HDAC9: variants seen among roughly 807,000 people sequenced by gnomAD.
HDAC9 encodes the protein MEF-2 interacting transcription repressor (MITR) protein.
In HDAC9, 41 loss-of-function variants were observed where a neutral mutation model predicts 139.4. The ratio of observed to expected loss-of-function variants is 0.29; its 90% CI spans 0.23 to 0.38. The LOEUF (loss-of-function observed/expected upper bound fraction) is 0.38, where lower values mean the gene tolerates loss of function less well. HDAC9 is among the 10% of genes least tolerant of loss of function. The pLI is 1.00. For synonymous variants in HDAC9, 517 were observed against 476.2 expected, an observed-to-expected ratio of 1.09 and a Z score of -1.12; for missense variants, 1,147 against 1,297.0, an observed-to-expected ratio of 0.88 and a Z score of 1.78.
At chr7:18,370,618 C>G (rs1402477316) in intron 1 of HDAC9, among the ~76,000 whole-genome samples, 1 of 152,142 alleles carries the variant, frequency 6.6e-6, no homozygotes, top group Non-Finnish European at 1.5e-5. Context: ...GATCATTGTG[C>G]TCTGTAAGGA....
At chr7:18,921,370 T>G (rs1803704646) in intron 22 of HDAC9, among the ~76,000 whole-genome samples, 1 of 151,916 alleles carries the variant, frequency 6.6e-6, no homozygotes, top group African/African-American at 2.4e-5. Flanking sequence ...TACACTGAAC[T>G]CAACAAATTT....
intron 23 of HDAC9, among the ~76,000 whole-genome samples, chr7:18,938,029 T>C (rs1781762445): frequency 6.6e-6 from 1 of 152,194 alleles, no homozygotes; most frequent in African/African-American, 2.4e-5. Context: ...CTGTGTTTAC[T>C]GTAAAGCAAA....
intron 2 of HDAC9, among the ~76,000 whole-genome samples, chr7:18,182,388 A>G (rs1187424929): frequency 6.6e-6 from 1 of 152,200 alleles, no homozygotes; most frequent in Non-Finnish European, 1.5e-5. Context: ...ATGGAGAGGA[A>G]TGTTTTAAAG....
At chr7:18,155,093 C>CTTTCTTTCTTTT (rs761803907) in intron 1 of HDAC9, among the ~76,000 whole-genome samples, 2 of 141,714 alleles carry the variant, frequency 1.4e-5, no homozygotes, top group African/African-American at 2.6e-5. Context: ...TTCTTTCTTT[C>CTTTCTTTCTTTT]TTTTTTTTTT....
intron 2 of HDAC9, among the ~76,000 whole-genome samples, chr7:18,508,131 A>C (rs1291493857): frequency 2.6e-5 from 4 of 152,202 alleles, no homozygotes; most frequent in Non-Finnish European, 5.9e-5. Flanking sequence ...GTTCAATGGA[A>C]TGATGGATGG....
chr7:18,269,387 A>C (rs963013790), intron 2 of HDAC9, among the ~76,000 whole-genome samples: 1 of 152,150 alleles, frequency 6.6e-6, no homozygotes, highest in African/African-American at 2.4e-5. Context: ...GGTAGTTAAA[A>C]ATACCTTGTT....
At chr7:18,709,412 T>G (rs1397534459) in intron 12 of HDAC9, among the ~76,000 whole-genome samples, 3 of 152,246 alleles carry the variant, frequency 2.0e-5, no homozygotes, top group Non-Finnish European at 1.5e-5. Flanking sequence ...TGGAGTTTGT[T>G]TCAATTCCAG....
chr7:18,363,029 A>G (rs975105905), intron 1 of HDAC9, among the ~76,000 whole-genome samples: 1 of 152,088 alleles, frequency 6.6e-6, no homozygotes, highest in Non-Finnish European at 1.5e-5. Context: ...AAAATAGTAA[A>G]CTCACTAATA....
At position 18,841,280 on chromosome 7, in the gene HDAC9, C is replaced by T. The variant is rs992124466; in HGVS notation, c.2684+5283C>T. Among the ~76,000 whole-genome samples the T allele has an allele frequency of 1.3e-4, 20 of 151,914 alleles. No individual in the cohort carries two copies. The South Asian group carries it at 2.9e-3, about 22-fold the overall frequency. On this transcript the variant is annotated intron_variant, in intron 21 of 25. Transcript: ENST00000686413. ...TTTGCATTCACTCTTTTGGTAATGA[C>T]AATTAAGTAAATACTGTTTGGATTT...
At chr7:18,459,701 G>A (rs1329914124) in intron 1 of HDAC9, among the ~76,000 whole-genome samples, 1 of 149,224 alleles carries the variant, frequency 6.7e-6, no homozygotes, top group Non-Finnish European at 1.5e-5. Flanking sequence ...CTGGAGCCTA[G>A]TAGAGTTCTC....
chr7:18,429,373 G>A, intron 1 of HDAC9: 1 of 152,034 alleles, frequency 6.6e-6, no homozygotes, highest in East Asian at 1.9e-4. Flanking sequence ...TTTCTACATT[G>A]TGCCAAGTTC....
chr7:18,323,068 G>A (rs1035825714), intron 1 of HDAC9, among the ~76,000 whole-genome samples: 8 of 152,204 alleles, frequency 5.3e-5, no homozygotes, highest in Non-Finnish European at 1.2e-4. Flanking sequence ...GGAATGAATA[G>A]CATCAAAGGT....
rs372641846 is a variant in HDAC9, at chr7:18,664,093, A to G, written c.1468-2120A>G. ...AACTTTGTAGTCAAAATTTAGGACT[A>G]TAATATGGTCTCTTTTCTCCAGAAT... On this transcript the variant is annotated intron_variant, in intron 11 of 25. Transcript: ENST00000686413. 1.9e-4 allele frequency among the ~76,000 whole-genome samples: 29 copies of G among 152,308 alleles called. 1 individual carries two copies. The highest frequency in any genetic ancestry group is 7.0e-4 in the African/African-American group (29 of 41,586).
intron 1 of HDAC9, among the ~76,000 whole-genome samples, chr7:18,419,457 CTG>C (rs1390982850): frequency 6.6e-6 from 1 of 152,074 alleles, no homozygotes; most frequent in Non-Finnish European, 1.5e-5. Flanking sequence ...CAGGCAAAGA[CTG>C]TGCTCCATCT....
chr7:18,459,420 T>C (rs939493928), intron 1 of HDAC9, among the ~76,000 whole-genome samples: 16 of 152,172 alleles, frequency 1.1e-4, no homozygotes, highest in Non-Finnish European at 1.5e-4. Flanking sequence ...GGTGAGTAAA[T>C]AAATAGCATT....
chr7:18,268,829 A>G (rs910048210), intron 2 of HDAC9, among the ~76,000 whole-genome samples: 9 of 152,198 alleles, frequency 5.9e-5, no homozygotes, highest in African/African-American at 2.2e-4. Context: ...ACTTGAAAGG[A>G]ACTGATCAGA....
chr7:18,850,955 C>T (rs189240214), intron 21 of HDAC9, among the ~76,000 whole-genome samples: 13 of 152,312 alleles, frequency 8.5e-5, no homozygotes, highest in Admixed American at 2.0e-4. Flanking sequence ...GTCTAATCAC[C>T]TTCCAAAGGC....
chr7:18,825,651 G>A (rs796819201), intron 17 of HDAC9, among the ~76,000 whole-genome samples: 12 of 151,132 alleles, frequency 7.9e-5, no homozygotes, highest in African/African-American at 2.4e-4. Flanking sequence ...AGGAGAAGAA[G>A]AAAAACGTGG....
At chr7:18,493,671 G>GT (rs1796523901), upstream of HDAC9, among the ~76,000 whole-genome samples, 1 of 151,836 alleles carries the variant, frequency 6.6e-6, no homozygotes, top group Admixed American at 6.6e-5. Flanking sequence ...ATTTCACAAG[G>GT]TATAGGTGTA....
Sources: gnomAD v4.1 joint callset for allele counts (sites outside exome capture counted in the v4.1 genomes callset) on GRCh38, gnomAD v4.1.1 for gene constraint, MANE v1.5 for transcripts, NCBI Gene and HGNC (gene_info 2026-07-23, HGNC 2026-07-21) for gene names.